The following LUZP1 variants were observed in gnomAD, a reference collection of about 807,000 sequenced individuals.
LUZP1 encodes the protein filamin mechanobinding actin cross-linking protein.
In LUZP1, 25 loss-of-function variants were observed where a neutral mutation model predicts 71.3. That is an observed-to-expected ratio of 0.35 (90% confidence interval 0.26 to 0.49). The LOEUF (loss-of-function observed/expected upper bound fraction) is 0.49, where lower values mean the gene tolerates loss of function less well. Ranked by LOEUF, LUZP1 falls within the 20% of genes least tolerant of loss-of-function variation. The pLI is 0.99. For synonymous variants in LUZP1, 481 were observed against 506.4 expected, an observed-to-expected ratio of 0.95 and a Z score of 0.67; for missense variants, 1,142 against 1,300.8, an observed-to-expected ratio of 0.88 and a Z score of 1.88.
At chr1:23,161,193 C>T (rs1644461581) in intron 2 of LUZP1, among the ~76,000 whole-genome samples, 1 of 152,192 alleles carries the variant, frequency 6.6e-6, no homozygotes, top group Non-Finnish European at 1.5e-5. Context: ...GATGAGTTCT[C>T]TGCTTTCATG....
At chr1:23,164,890 T>C in intron 2 of LUZP1, among the ~76,000 whole-genome samples, 1 of 152,178 alleles carries the variant, frequency 6.6e-6, no homozygotes, top group East Asian at 1.9e-4. Context: ...CAGCCAAAGA[T>C]GTTAAGTTTT....
Position 23,094,208 on chromosome 1 carries a change from A to C in LUZP1, c.54T>G (p.Phe18Leu), listed in dbSNP as rs772136562. 1 of 1,612,952 alleles carries C rather than the reference A, an allele frequency of 6.2e-7. No homozygotes were observed. Among genetic ancestry groups the C allele is most frequent in the South Asian group, 1.1e-5 (1 of 90,778 alleles). ...GGCGGCGGCTTAGACTCTGTAGCTTAAACCGCAAGTGGCGGCTGGAGGCCG... is the reference window on the plus strand; with the variant it reads ...GGCGGCGGCTTAGACTCTGTAGCTTCAACCGCAAGTGGCGGCTGGAGGCCG... The change falls in exon 4 of 5, where the codon TTT (phenylalanine) becomes TTG (leucine). Residue 18 changes from phenylalanine to leucine, a missense_variant. Transcript: ENST00000302291. The surrounding 1 kb of genome is among the most constrained non-coding windows in gnomAD (Gnocchi z 4.7).
exon 5 of LUZP1, chr1:23,086,965 T>G (rs580878): frequency 0.8 from 122,128 of 152,208 alleles, 49,402 homozygotes; most frequent in Non-Finnish European, 0.83. Context: ...ACAGACAAGG[T>G]CAGGATGAAC....
chr1:23,153,434 T>C (rs1209092091), intron 2 of LUZP1, among the ~76,000 whole-genome samples: 1 of 152,192 alleles, frequency 6.6e-6, no homozygotes, highest in Non-Finnish European at 1.5e-5. Flanking sequence ...TGAAAAACTC[T>C]AGTCTAACTG....
At position 23,137,554 on chromosome 1, in the gene LUZP1, C is replaced by T. The variant is rs571541090; in HGVS notation, c.-225-28427G>A. On this transcript the variant is annotated intron_variant, in intron 2 of 4. Transcript: ENST00000302291. ...TACTCAGGAGGCTGAGGCAGGAGAA[C>T]TGCTTGAACTCGGAAGGCAGAGGTT... Among the ~76,000 whole-genome samples, 5 of 152,122 alleles carry T rather than the reference C, an allele frequency of 3.3e-5. No homozygotes were observed. The South Asian group carries it at 1.0e-3, about 32-fold the overall frequency.
chr1:23,136,988 T>TGAA (rs1644259940), intron 2 of LUZP1, among the ~76,000 whole-genome samples: 2 of 152,208 alleles, frequency 1.3e-5, no homozygotes, highest in African/African-American at 2.4e-5. Context: ...CAAAGGCTTC[T>TGAA]AGAACTGCAT....
intron 2 of LUZP1, among the ~76,000 whole-genome samples, chr1:23,134,586 C>G (rs1341349462): frequency 1.3e-5 from 2 of 152,164 alleles, no homozygotes; most frequent in Non-Finnish European, 2.9e-5. Context: ...TGAGACCAGC[C>G]TGGGCAACAT....
intron 2 of LUZP1, among the ~76,000 whole-genome samples, chr1:23,162,441 TA>T (rs1444011699): frequency 0.039 from 5,810 of 148,444 alleles, 418 homozygotes; most frequent in African/African-American, 0.14. Flanking sequence ...AATATACTTT[TA>T]TTTTTTTTTT....
At chr1:23,101,514 T>C (rs1643931387) in intron 3 of LUZP1, among the ~76,000 whole-genome samples, 1 of 152,092 alleles carries the variant, frequency 6.6e-6, no homozygotes. Context: ...TCTGAAAAAA[T>C]AAAAGAATAT....
intron 2 of LUZP1, among the ~76,000 whole-genome samples, chr1:23,127,775 G>A (rs1470105667): frequency 1.3e-5 from 2 of 152,030 alleles, no homozygotes; most frequent in Non-Finnish European, 2.9e-5. Flanking sequence ...CGCCCACCTC[G>A]GCCTCCCAAA....
intron 2 of LUZP1, among the ~76,000 whole-genome samples, chr1:23,158,434 C>T (rs1253485658): frequency 2.6e-5 from 4 of 151,530 alleles, no homozygotes; most frequent in African/African-American, 7.3e-5. Flanking sequence ...GCAGATCACG[C>T]GGTCAGGAGT....
chr1:23,158,740 GCAGATTAC>G (rs1644440704), intron 2 of LUZP1, among the ~76,000 whole-genome samples: 2 of 150,862 alleles, frequency 1.3e-5, no homozygotes, highest in South Asian at 4.2e-4. Flanking sequence ...GCGGAGGTGG[GCAGATTAC>G]CTGAGGCCAG....
chr1:23,129,568 C>T (rs535090272), intron 2 of LUZP1, among the ~76,000 whole-genome samples: 2 of 152,246 alleles, frequency 1.3e-5, no homozygotes, highest in South Asian at 2.1e-4. Context: ...GCAATAAGAA[C>T]AAAAACTCCG....
chr1:23,121,106 A>T (rs962008425), intron 2 of LUZP1, among the ~76,000 whole-genome samples: 5 of 152,250 alleles, frequency 3.3e-5, no homozygotes, highest in African/African-American at 4.8e-5. Context: ...CTGCTGGCTT[A>T]TATCTTTATA....
exon 4 of LUZP1, chr1:23,092,344 G>A (rs199684288): frequency 1.2e-6 from 2 of 1,614,210 alleles, no homozygotes; most frequent in East Asian, 4.5e-5. Flanking sequence ...GCTTCATGCG[G>A]ACTGCTGTCT....
chr1:23,138,659 GTGTT>G (rs1644274040), intron 2 of LUZP1, among the ~76,000 whole-genome samples: 1 of 113,626 alleles, frequency 8.8e-6, no homozygotes, highest in South Asian at 3.4e-4. Flanking sequence ...TATGGATTAT[GTGTT>G]TGTGTGTGTG....
chr1:23,126,338 G>A (rs1269617833), intron 2 of LUZP1, among the ~76,000 whole-genome samples: 1 of 152,088 alleles, frequency 6.6e-6, no homozygotes, highest in South Asian at 2.1e-4. Flanking sequence ...AACAAGCAAG[G>A]CCGGGTGCAG....
chr1:23,092,736 C>CCATGGGTG lies in LUZP1; in HGVS notation c.1525_1526insCACCCATG (p.Arg509ProfsTer47), dbSNP rs1557628513. 1.2e-6 allele frequency: 2 copies of CCATGGGTG among 1,613,792 alleles called. No homozygotes were observed. ...TCCATGGGTGGTGTCACTAAACGTTCGTGTTGTCTTCTCCACTTTTCCCTT... is the reference window on the plus strand; with the variant it reads ...TCCATGGGTGGTGTCACTAAACGTTCCATGGGTGGTGTTGTCTTCTCCACTTTTCCCTT... On this transcript the variant is annotated frameshift_variant, in exon 4 of 5. Transcript: ENST00000302291. LOFTEE classifies it high-confidence loss of function.
At chr1:23,134,876 G>A (rs1255120469) in intron 2 of LUZP1, among the ~76,000 whole-genome samples, 1 of 152,080 alleles carries the variant, frequency 6.6e-6, no homozygotes, top group East Asian at 1.9e-4. Context: ...GCGCAGGTTG[G>A]TTACACAGGT....
Sources: gnomAD v4.1 joint callset for allele counts (sites outside exome capture counted in the v4.1 genomes callset) on GRCh38, gnomAD v4.1.1 for gene constraint, Gnocchi (gnomAD v3.1) non-coding constraint, MANE v1.5 for transcripts, NCBI Gene and HGNC (gene_info 2026-07-23, HGNC 2026-07-21) for gene names.